Variants in TBC1D8 observed in about 807,000 individuals in gnomAD.
TBC1D8 encodes TBC1 domain family member 8.
Under a neutral mutation model 118.8 loss-of-function variants are expected in TBC1D8, and 65 were observed. The ratio of observed to expected loss-of-function variants is 0.55; its 90% CI spans 0.45 to 0.67. TBC1D8 has a LOEUF of 0.67. Ranked by LOEUF, TBC1D8 falls within the 30% of genes least tolerant of loss-of-function variation. TBC1D8 has a pLI of 0.00. For missense variants in TBC1D8, 1,376 were observed against 1,471.2 expected (o/e 0.94, Z 1.06); for synonymous variants, 566 against 595.8 (o/e 0.95, Z 0.73).
intron 10 of TBC1D8, 98 bp downstream of exon 10, chr2:101,033,446 T>C (rs1383131398): frequency 2.1e-6 from 3 of 1,457,456 alleles, no homozygotes; most frequent in Non-Finnish European, 2.9e-6. Context: ...ACGACAACAC[T>C]CAGGACCAGA....
At chr2:101,065,520 CATTCTTCAAGTGGAT>C (rs1334072192) in intron 2 of TBC1D8, among the ~76,000 whole-genome samples, 1 of 152,206 alleles carries the variant, frequency 6.6e-6, no homozygotes. Flanking sequence ...AGAGAGCTGA[CATTCTTCAAGTGGAT>C]ACTGTAACAT....
intron 1 of TBC1D8, among the ~76,000 whole-genome samples, chr2:101,126,388 T>C (rs767192838): frequency 6.6e-6 from 1 of 152,174 alleles, no homozygotes; most frequent in African/African-American, 2.4e-5. Context: ...GCAAATGTCT[T>C]GAAGGTAAGA....
intron 2 of TBC1D8, among the ~76,000 whole-genome samples, chr2:101,060,037 C>G (rs1682673630): frequency 6.6e-6 from 1 of 152,232 alleles, no homozygotes; most frequent in Non-Finnish European, 1.5e-5. Flanking sequence ...CCCTGCAGGA[C>G]TGGGATGTGC....
chr2:101,032,292 C>G lies in TBC1D8; in HGVS notation c.1912G>C (p.Asp638His), dbSNP rs201866929. The change falls in exon 11 of 20, where the codon GAT becomes CAT. Residue 638 changes from aspartate (D) to histidine (H), a missense_variant. Coordinates refer to ENST00000409318, the MANE Select transcript of TBC1D8 (RefSeq NM_001330348.2). ...LVAVCERMLP[D>H]YFNHRVIGAQ... is the part of the protein sequence containing the mutation. ...CCGATCACTCGGTGGTTGAAGTAATCGGGCAGCATCCGCTCACACACAGCA... is the reference window on the plus strand; with the variant it reads ...CCGATCACTCGGTGGTTGAAGTAATGGGGCAGCATCCGCTCACACACAGCA... 6 of 1,613,552 alleles carry G rather than the reference C, an allele frequency of 3.7e-6. No individual in the cohort carries two copies. In the East Asian group the frequency reaches 1.1e-4, roughly 30 times the overall value.
intron 12 of TBC1D8, among the ~76,000 whole-genome samples, chr2:101,029,080 G>A (rs1225746083): frequency 6.6e-6 from 1 of 152,200 alleles, no homozygotes; most frequent in African/African-American, 2.4e-5. Flanking sequence ...AATGTCAAGA[G>A]GCTGAGACGA....
rs891693925 is a variant in TBC1D8 at position 101,018,116 on chromosome 2, A to C, written c.2827+3565T>G. ...GAATCCAATCAACACTTTTTCATAT[A>C]AAGTTTTCAGAATAACAAAGCTTTC... is the stretch of plus-strand genomic sequence containing the variant. On this transcript the variant is annotated intron_variant, in intron 17 of 19. Transcript: ENST00000409318. 2.0e-4 allele frequency: 113 copies of C among 563,162 alleles called. No individual in the cohort carries two copies. In the East Asian group the frequency reaches 3.3e-3, roughly 16 times the overall value. The allele number at this position is 563,162 out of a possible 1,614,324, so 34.9% of individuals were successfully genotyped here.
chr2:101,055,162 G>A (rs1298303325), intron 3 of TBC1D8, among the ~76,000 whole-genome samples: 2 of 151,390 alleles, frequency 1.3e-5, no homozygotes, highest in African/African-American at 4.9e-5. Context: ...GACGGAGGTG[G>A]GCAGATCACT....
intron 2 of TBC1D8, among the ~76,000 whole-genome samples, chr2:101,069,491 CAGG>C (rs1397521136): frequency 6.6e-6 from 1 of 152,132 alleles, no homozygotes; most frequent in East Asian, 1.9e-4. Flanking sequence ...GAGGCTGAGG[CAGG>C]AGAACTGCTT....
intron 5 of TBC1D8, among the ~76,000 whole-genome samples, chr2:101,048,661 C>CATGA (rs201021801): frequency 1.1e-3 from 70 of 61,050 alleles, no homozygotes; most frequent in East Asian, 6.5e-3. Context: ...GTTCACAGGC[C>CATGA]ATGAATGGAC....
At chr2:101,075,780 A>G (rs1674774701) in intron 2 of TBC1D8, among the ~76,000 whole-genome samples, 1 of 152,194 alleles carries the variant, frequency 6.6e-6, no homozygotes, top group Admixed American at 6.5e-5. Context: ...TCTTTATAGC[A>G]GTATAAAACG....
At chr2:101,019,913 AT>A (rs1356136257) in intron 17 of TBC1D8, among the ~76,000 whole-genome samples, 1 of 151,856 alleles carries the variant, frequency 6.6e-6, no homozygotes, top group African/African-American at 2.4e-5. Flanking sequence ...CTAAAAAAAA[AT>A]ACAAAAAATT....
intron 1 of TBC1D8, among the ~76,000 whole-genome samples, chr2:101,133,375 C>A (rs957347486): frequency 6.6e-6 from 1 of 152,166 alleles, no homozygotes; most frequent in Non-Finnish European, 1.5e-5. Context: ...GAGATATTCG[C>A]TCCCTTCCCC....
At chr2:101,080,950 T>G (rs1675224078) in intron 2 of TBC1D8, among the ~76,000 whole-genome samples, 1 of 151,956 alleles carries the variant, frequency 6.6e-6, no homozygotes, top group African/African-American at 2.4e-5. Flanking sequence ...ATTTTTAAAA[T>G]TTTGTTGTAG....
chr2:101,083,967 T>A (rs1675430094), intron 2 of TBC1D8, among the ~76,000 whole-genome samples: 1 of 152,216 alleles, frequency 6.6e-6, no homozygotes, highest in Non-Finnish European at 1.5e-5. Context: ...AACAATTCTC[T>A]CTTCCTTAAC....
chr2:101,103,681 C>T lies in TBC1D8; in HGVS notation c.128-13317G>A, dbSNP rs150107358. ...TGCTGGGATTACAGGCGTGAGCCAC[C>T]GCGCATGGCCAGAACTCTTTAACTT... On this transcript the variant is annotated intron_variant, in intron 1 of 19. Coordinates refer to ENST00000409318, the MANE Select transcript of TBC1D8 (RefSeq NM_001330348.2). Among the ~76,000 whole-genome samples, 1,439 of 152,106 alleles carry T rather than the reference C, an allele frequency of 9.5e-3. 28 individuals are homozygous for T. Among genetic ancestry groups the T allele is most frequent in the African/African-American group, 0.033 (1,353 of 41,458 alleles).
intron 2 of TBC1D8, among the ~76,000 whole-genome samples, chr2:101,075,450 TC>T (rs1228362325): frequency 6.6e-6 from 1 of 151,780 alleles, no homozygotes; most frequent in Non-Finnish European, 1.5e-5. Flanking sequence ...AGACTTTGTG[TC>T]CCCACTCAAA....
intron 8 of TBC1D8, among the ~76,000 whole-genome samples, chr2:101,036,853 A>C (rs1051904905): frequency 6.6e-6 from 1 of 152,270 alleles, no homozygotes; most frequent in African/African-American, 2.4e-5. Flanking sequence ...TTTTGTCAAC[A>C]AAAGTTAATT....
intron 17 of TBC1D8, among the ~76,000 whole-genome samples, chr2:101,013,276 T>C (rs916190842): frequency 7.9e-5 from 12 of 152,192 alleles, no homozygotes; most frequent in South Asian, 2.1e-4. Flanking sequence ...CCACGATCTA[T>C]TGATGATCAG....
At chr2:101,096,135 G>A (rs368181474) in intron 1 of TBC1D8, among the ~76,000 whole-genome samples, 2 of 152,036 alleles carry the variant, frequency 1.3e-5, no homozygotes, top group East Asian at 3.9e-4. Context: ...TGTTGCCCAG[G>A]CTAGTCTCGA....
Sources: gnomAD v4.1 joint callset for allele counts (sites outside exome capture counted in the v4.1 genomes callset) on GRCh38, gnomAD v4.1.1 for gene constraint, MANE v1.5 for transcripts, NCBI Gene and HGNC (gene_info 2026-07-23, HGNC 2026-07-21) for gene names.